The following MME variants were observed in gnomAD, a reference collection of about 807,000 sequenced individuals.
MME encodes the protein membrane metalloendopeptidase, also known as neprilysin.
Under a neutral mutation model 113.2 loss-of-function variants are expected in MME, and 98 were observed. That is an observed-to-expected ratio of 0.87 (90% confidence interval 0.74 to 1.02). The LOEUF is 1.02. MME is among the 50% of genes least tolerant of loss of function. The pLI, the probability that MME is intolerant of heterozygous loss-of-function variation, is 0.00. For synonymous variants in MME, 292 were observed against 300.6 expected, an observed-to-expected ratio of 0.97 and a Z score of 0.30; for missense variants, 836 against 896.0, an observed-to-expected ratio of 0.93 and a Z score of 0.86.
intron 9 of MME, 95 bp downstream of exon 9, chr3:155,138,331 C>T: frequency 7.6e-7 from 1 of 1,316,334 alleles, no homozygotes; most frequent in Non-Finnish European, 1.1e-6. Flanking sequence ...AGGTACAGCA[C>T]TTTAACCAAG....
chr3:155,040,474 TAAATACACGCACATATATATA>T (rs1427975063), intron 1 of MME, among the ~76,000 whole-genome samples: 3 of 152,148 alleles, frequency 2.0e-5, no homozygotes, highest in Non-Finnish European at 4.4e-5. Context: ...TATACATACA[TAAATACACGCACATATATATA>T]AAATACACAA....
intron 8 of MME, among the ~76,000 whole-genome samples, chr3:155,130,724 C>T (rs889851435): frequency 1.3e-5 from 2 of 152,122 alleles, no homozygotes. Flanking sequence ...TGGGATTAAA[C>T]AAGAGGGGAT....
Position 155,143,635 on chromosome 3 carries a change from G to A in MME, c.1317+64G>A, listed in dbSNP as rs373738967. On this transcript the variant is annotated intron_variant, in intron 13 of 22. Transcript: ENST00000360490. ...ACACTATCAGTTTGTTCACACTGAT[G>A]AGCAATTACAGTTCTCCATCATTTG... 2.5e-5 allele frequency: 39 copies of A among 1,562,476 alleles called. No homozygotes were observed. The African/African-American group carries it at 3.8e-4, about 15-fold the overall frequency.
intron 1 of MME, among the ~76,000 whole-genome samples, chr3:155,052,865 CT>C (rs1212692561): frequency 6.6e-6 from 1 of 152,164 alleles, no homozygotes; most frequent in Non-Finnish European, 1.5e-5. Context: ...ATTTTCCAAA[CT>C]TTTATGCTCT....
chr3:155,149,088 T>C (rs1721735508), intron 16 of MME, among the ~76,000 whole-genome samples: 1 of 152,196 alleles, frequency 6.6e-6, no homozygotes, highest in Non-Finnish European at 1.5e-5. Flanking sequence ...AGATAGTTAA[T>C]GTAAGACTTT....
intron 17 of MME, among the ~76,000 whole-genome samples, chr3:155,161,178 A>G (rs1400874760): frequency 6.6e-6 from 1 of 152,082 alleles, no homozygotes; most frequent in African/African-American, 2.4e-5. Flanking sequence ...ATTGGCTCAC[A>G]TATATCACTT....
chr3:155,096,910 G>A (rs757105916), intron 3 of MME, among the ~76,000 whole-genome samples: 4 of 152,166 alleles, frequency 2.6e-5, no homozygotes, highest in Non-Finnish European at 5.9e-5. Flanking sequence ...TGTAGAGATG[G>A]AGTTTCACCA....
upstream of MME, among the ~76,000 whole-genome samples, chr3:155,075,634 C>T (rs546945558): frequency 6.6e-6 from 1 of 152,222 alleles, no homozygotes; most frequent in Admixed American, 6.5e-5. Context: ...CTAATAAAGT[C>T]TAAAGTATAT....
chr3:155,032,864 C>T (rs1431807279), intron 1 of MME, among the ~76,000 whole-genome samples: 1 of 152,164 alleles, frequency 6.6e-6, no homozygotes, highest in Non-Finnish European at 1.5e-5. Flanking sequence ...TTTGGAATCA[C>T]TTATATAGAC....
At chr3:155,089,887 G>A (rs1425184482) in intron 3 of MME, 3 of 451,262 alleles carry the variant, frequency 6.6e-6, no homozygotes, top group Non-Finnish European at 1.3e-5. Flanking sequence ...TTGAACCCAG[G>A]AGGCAGAGGT....
Position 155,114,978 on chromosome 3 carries a change from T to C in MME, c.197-16T>C, listed in dbSNP as rs765977441. 4 of 1,613,846 alleles carry C rather than the reference T, an allele frequency of 2.5e-6. No homozygotes were observed. The Admixed American group carries it at 5.0e-5, about 20-fold the overall frequency. On this transcript the variant is annotated splice_polypyrimidine_tract_variant and intron_variant, in intron 3 of 22. Coordinates refer to ENST00000360490, the MANE Select transcript of MME (RefSeq NM_007289.4). ...TAAACCCATCATTTTATCTAGTGTT[T>C]TCTCTGCTCTTGCAGCTGCTCGACT...
rs565457712 is a variant in MME, at chr3:155,066,901, A to G, written c.-10-17257A>G. On this transcript the variant is annotated intron_variant, in intron 1 of 22. Coordinates refer to the MME transcript ENST00000492661. ...CCTAAGTGAATCTAAAGAGAAGTCAAAATAGAATACCATTCTTACAGTGAG... is the reference window on the plus strand; with the variant it reads ...CCTAAGTGAATCTAAAGAGAAGTCAGAATAGAATACCATTCTTACAGTGAG... 5.9e-5 allele frequency among the ~76,000 whole-genome samples: 9 copies of G among 152,322 alleles called. 1 individual carries two copies. Among genetic ancestry groups the G allele is most frequent in the African/African-American group, 2.2e-4 (9 of 41,578 alleles).
chr3:155,064,156 G>T (rs6769341), intron 1 of MME, among the ~76,000 whole-genome samples: 12,588 of 152,044 alleles, frequency 0.083, 1,084 homozygotes, highest in African/African-American at 0.22. Context: ...CGGGCATGGG[G>T]CAGGCACCTG....
intron 22 of MME, among the ~76,000 whole-genome samples, chr3:155,177,372 AAGAAGGT>A: frequency 6.6e-6 from 1 of 152,222 alleles, no homozygotes; most frequent in African/African-American, 2.4e-5. Flanking sequence ...CTGAATTGGG[AAGAAGGT>A]TGCATTAATG....
intron 3 of MME, among the ~76,000 whole-genome samples, chr3:155,114,013 T>C (rs1162928521): frequency 6.6e-6 from 1 of 152,174 alleles, no homozygotes; most frequent in Non-Finnish European, 1.5e-5. Flanking sequence ...GTTTAAAAAA[T>C]CCACACAGCT....
At position 155,172,143 on chromosome 3, in the gene MME, T is replaced by C; in HGVS notation, c.2007T>C (p.Asn669=). 1.9e-6 allele frequency: 3 copies of C among 1,608,952 alleles called. No individual in the cohort carries two copies. Among genetic ancestry groups the C allele is most frequent in the Middle Eastern group, 1.7e-4 (1 of 6,048 alleles). ...YRAYQNYIKK[N]GEEKLLPGLD... ...CCTATCAGAATTATATTAAAAAGAATGGCGAAGAAAAATTACTTCCTGGAC... is the reference window on the plus strand; with the variant it reads ...CCTATCAGAATTATATTAAAAAGAACGGCGAAGAAAAATTACTTCCTGGAC... Residue 669 remains asparagine (N), a synonymous_variant, in exon 21 of 23, where the codon AAT becomes AAC. Coordinates refer to ENST00000360490, the MANE Select transcript of MME (RefSeq NM_007289.4).
At chr3:155,128,586 A>G (rs1375658824) in intron 8 of MME, among the ~76,000 whole-genome samples, 1 of 151,618 alleles carries the variant, frequency 6.6e-6, no homozygotes, top group African/African-American at 2.4e-5. Context: ...CCCTTTGCCT[A>G]GAACTTGCCC....
chr3:155,149,312 C>G (rs986245495), intron 16 of MME, among the ~76,000 whole-genome samples: 3 of 152,074 alleles, frequency 2.0e-5, no homozygotes, highest in Admixed American at 6.6e-5. Context: ...TTGACTTTTT[C>G]TCCCTAGGCT....
In MME at chr3:155,139,069, C is replaced by T. The variant is rs531593239; in HGVS notation, c.855+833C>T. ...GGCAATTTTAGCTTTCCTGGGGCTA[C>T]GTGAAACCAAAAATCTCCTATCAGA... On this transcript the variant is annotated intron_variant, in intron 9 of 22. Coordinates refer to ENST00000360490, the MANE Select transcript of MME (RefSeq NM_007289.4). Among the ~76,000 whole-genome samples the T allele has an allele frequency of 2.6e-5, 4 of 152,172 alleles. No individual in the cohort carries two copies. The South Asian group carries it at 8.3e-4, about 32-fold the overall frequency.
Sources: gnomAD v4.1 joint callset for allele counts (sites outside exome capture counted in the v4.1 genomes callset) on GRCh38, gnomAD v4.1.1 for gene constraint, MANE v1.5 for transcripts, NCBI Gene and HGNC (gene_info 2026-07-23, HGNC 2026-07-21) for gene names.